Variants in MED14 observed in about 807,000 individuals in gnomAD.
MED14 encodes mediator complex subunit 14.
In MED14, 8 loss-of-function variants were observed where a neutral mutation model predicts 109.0. The observed-to-expected ratio is 0.07, with a 90% CI of 0.04 to 0.13. MED14 has a LOEUF of 0.13. Ranked by LOEUF, MED14 falls within the 10% of genes least tolerant of loss-of-function variation. The pLI is 1.00. For missense variants in MED14, 711 were observed against 1,142.4 expected, an observed-to-expected ratio of 0.62 and a Z score of 5.44; for synonymous variants, 399 against 408.7, an observed-to-expected ratio of 0.98 and a Z score of 0.29.
At chrX:40,679,486 G>A (rs1036413530) in intron 21 of MED14, among the ~76,000 whole-genome samples, 2 of 111,623 alleles carry the variant, frequency 1.8e-5, no homozygotes, top group Admixed American at 1.9e-4. Flanking sequence ...CAGCCTGGGT[G>A]ACAGAGTGAG....
At chrX:40,688,689 C>T (rs1286929472) in intron 15 of MED14, among the ~76,000 whole-genome samples, 159 bp from the exon 16 acceptor site, 1 of 112,280 alleles carries the variant, frequency 8.9e-6, no homozygotes, top group African/African-American at 3.2e-5. Context: ...TCATTAGATT[C>T]CCTGGGAAAC....
Position 40,710,130 on chromosome X carries a change from C to A in MED14, c.1023-1G>T. 8.8e-7 allele frequency: 1 copy of A among 1,136,541 alleles called. No individual in the cohort carries two copies. The highest frequency in any genetic ancestry group is 1.2e-6 in the Non-Finnish European group (1 of 859,121). 93.7% of individuals were successfully genotyped at this position (1,136,541 alleles called of 1,213,427 possible). ...AGTTTTTCTCCCAAGAACCTGTTGA[C>A]TAAAGAAAAAAATGAAATGAAGAAT... On this transcript the variant is annotated splice_acceptor_variant, in intron 8 of 30. Coordinates refer to ENST00000324817, the MANE Select transcript of MED14 (RefSeq NM_004229.4). LOFTEE classifies it high-confidence loss of function.
intron 12 of MED14, among the ~76,000 whole-genome samples, chrX:40,697,431 G>C (rs1307899005): frequency 8.9e-6 from 1 of 112,089 alleles, no homozygotes; most frequent in Admixed American, 9.5e-5. Context: ...AGAATTCACT[G>C]TAAGGATGAG....
At chrX:40,675,150 A>G in intron 22 of MED14, 71 bp downstream of exon 22, 1 of 967,203 alleles carries the variant, frequency 1.0e-6, no homozygotes, top group Middle Eastern at 2.8e-4. Flanking sequence ...CTTTCAATGA[A>G]GTCTTGACAC....
chrX:40,695,044 T>C (rs1930674560), intron 13 of MED14, among the ~76,000 whole-genome samples: 1 of 112,205 alleles, frequency 8.9e-6, no homozygotes, highest in South Asian at 3.7e-4. Flanking sequence ...GAAGGAACTA[T>C]TATACACACA....
chrX:40,681,044 A>G (rs1404510741), intron 19 of MED14, 134 bp from the exon 20 acceptor site: 2 of 460,687 alleles, frequency 4.3e-6, no homozygotes, highest in South Asian at 3.5e-5. Flanking sequence ...AAGCAATAAA[A>G]TAAGACTGGA....
intron 26 of MED14, among the ~76,000 whole-genome samples, chrX:40,661,546 A>G (rs1454411732): frequency 4.4e-5 from 5 of 112,734 alleles, no homozygotes; most frequent in African/African-American, 1.6e-4. Flanking sequence ...TCATTAGCAC[A>G]TGCATCTACC....
At chrX:40,720,720 T>C (rs1407903198) in intron 3 of MED14, among the ~76,000 whole-genome samples, 13 of 109,367 alleles carry the variant, frequency 1.2e-4, no homozygotes, top group Non-Finnish European at 1.9e-4. Flanking sequence ...AGCGCAGCTT[T>C]TGACAACAAA....
At position 40,735,451 on chromosome X, in the gene MED14, G is replaced by A; in HGVS notation, c.-39C>T. 1.8e-6 allele frequency: 2 copies of A among 1,104,254 alleles called. No individual in the cohort carries two copies. The highest frequency in any genetic ancestry group is 2.0e-5 in the South Asian group (1 of 50,479). The allele number at this position is 1,104,254 out of a possible 1,213,427, so 91.0% of individuals were successfully genotyped here. A position where few individuals can be genotyped will look rare whatever the true frequency, so the allele number is the denominator to read the frequency against. ...CGGGCTTGGCGCAACGGCACACGAT[G>A]CGGTCCTCGAGCCTCCCGGGCGCTC... is the stretch of plus-strand genomic sequence containing the variant. On this transcript the variant is annotated 5_prime_UTR_variant, in exon 1 of 31. Transcript: ENST00000324817.
intron 1 of MED14, among the ~76,000 whole-genome samples, chrX:40,731,835 C>T (rs1256503556): frequency 8.9e-6 from 1 of 112,211 alleles, no homozygotes; most frequent in African/African-American, 3.2e-5. Flanking sequence ...TCTATCAAAC[C>T]ATATATTGAT....
chrX:40,731,112 GC>G (rs1430306624), intron 1 of MED14, among the ~76,000 whole-genome samples: 1 of 104,722 alleles, frequency 9.5e-6, no homozygotes, highest in African/African-American at 3.6e-5. Context: ...CTGCATTCCA[GC>G]CTGGGTGACA....
chrX:40,701,395 C>T, intron 11 of MED14, 152 bp from the exon 12 acceptor site: 1 of 400,959 alleles, frequency 2.5e-6, no homozygotes, highest in Non-Finnish European at 4.3e-6. Flanking sequence ...ACTAAATGTA[C>T]CATTAGATAT....
chrX:40,686,714 C>A (rs1360723185), intron 16 of MED14, among the ~76,000 whole-genome samples: 2 of 111,925 alleles, frequency 1.8e-5, no homozygotes, highest in Non-Finnish European at 3.8e-5. Flanking sequence ...AATTGCAGAG[C>A]TGCTATGTCT....
At chrX:40,720,402 C>T (rs1215373229) in intron 3 of MED14, among the ~76,000 whole-genome samples, 1 of 112,080 alleles carries the variant, frequency 8.9e-6, no homozygotes, top group Non-Finnish European at 1.9e-5. Flanking sequence ...TCAGTACTGC[C>T]CTGTCATAGT....
intron 28 of MED14, among the ~76,000 whole-genome samples, chrX:40,657,614 G>A (rs1929100835): frequency 8.9e-6 from 1 of 111,738 alleles, no homozygotes; most frequent in African/African-American, 3.3e-5. Context: ...CACTCAGCTT[G>A]CCATAATTTG....
intron 23 of MED14, among the ~76,000 whole-genome samples, chrX:40,669,538 G>T (rs1305750642): frequency 9.0e-6 from 1 of 111,664 alleles, no homozygotes. Flanking sequence ...AATCTCTGGG[G>T]ACTTGCAAAA....
intron 3 of MED14, chrX:40,715,042 T>C (rs1424202585): frequency 6.2e-6 from 1 of 162,384 alleles, no homozygotes; most frequent in Non-Finnish European, 1.2e-5. Flanking sequence ...CCAGAGTTGG[T>C]TGGTAATGAA....
intron 13 of MED14, among the ~76,000 whole-genome samples, chrX:40,696,184 G>A (rs896782093): frequency 9.5e-6 from 1 of 105,312 alleles, no homozygotes; most frequent in African/African-American, 3.5e-5. Flanking sequence ...GCCCAAGCTG[G>A]AGTGCAGTGG....
Position 40,711,216 on chromosome X carries a change from C to T in MED14, c.975G>A (p.Gln325=), listed in dbSNP as rs774173671. The change falls in exon 8 of 31, where the codon CAG becomes CAA. Residue 325 remains glutamine (Q), a synonymous_variant. Coordinates refer to ENST00000324817, the MANE Select transcript of MED14 (RefSeq NM_004229.4). ...ACTTTCCAGCATGATACCTTTCCACCTGCACAAGGTCTCCCCACCGTTCTC... is the reference window on the plus strand; with the variant it reads ...ACTTTCCAGCATGATACCTTTCCACTTGCACAAGGTCTCCCCACCGTTCTC... ...LIRERWGDLV[Q]VERYHAGKCL... 40 of 1,208,783 alleles carry T rather than the reference C, an allele frequency of 3.3e-5. No individual in the cohort carries two copies. In the South Asian group the frequency reaches 6.5e-4, roughly 20 times the overall value.
Sources: allele counts gnomAD v4.1 joint callset (sites outside exome capture counted in the v4.1 genomes callset), GRCh38; gene constraint gnomAD v4.1.1; transcripts MANE v1.5; gene names NCBI Gene and HGNC (gene_info 2026-07-23, HGNC 2026-07-21).